The following CD300LG variants were observed in gnomAD, a reference collection of about 807,000 sequenced individuals.
CD300LG encodes CD300 molecule like family member g, also known as CMRF35-like molecule 9.
CD300LG carries 29 observed loss-of-function variants against 31.5 expected under a neutral mutation model. That is an observed-to-expected ratio of 0.92 (90% CI 0.68 to 1.25). The LOEUF (loss-of-function observed/expected upper bound fraction) is 1.25, where lower values mean the gene tolerates loss of function less well. Among genes scored for constraint, CD300LG ranks in the 50% most tolerant of loss-of-function variants. CD300LG has a pLI of 0.00. For missense variants in CD300LG, 396 were observed against 417.6 expected (o/e 0.95, Z 0.45); for synonymous variants, 175 against 177.2 (o/e 0.99, Z 0.10).
intron 6 of CD300LG, chr17:43,858,038 G>A: frequency 1.4e-6 from 2 of 1,442,912 alleles, no homozygotes; most frequent in South Asian, 2.9e-5. Flanking sequence ...GCCCCTCCTG[G>A]CCCCTCCTCC....
At chr17:43,853,075 T>C in intron 3 of CD300LG, 62 bp downstream of exon 3, 1 of 1,397,610 alleles carries the variant, frequency 7.2e-7, no homozygotes, top group Non-Finnish European at 1.0e-6. Context: ...AGCCAGTGAG[T>C]GCCTGCCTGG....
Position 43,859,335 on chromosome 17 carries a change from AG to A in CD300LG, c.885+2180del, listed in dbSNP as rs539407996. Among the ~76,000 whole-genome samples, 151 of 152,360 alleles carry A rather than the reference AG, an allele frequency of 9.9e-4. 2 individuals are homozygous for A. In the South Asian group the frequency reaches 0.024, roughly 25 times the overall value. Reference sequence around the variant, plus strand: ...CTCTTTCTTTATTAGGTTTATTACTAGTACCTAGAAGCAGAGCTCTGATATA... The same window carrying A: ...CTCTTTCTTTATTAGGTTTATTACTATACCTAGAAGCAGAGCTCTGATATA... On this transcript the variant is annotated intron_variant, in intron 6 of 6. Coordinates refer to ENST00000317310, the MANE Select transcript of CD300LG (RefSeq NM_145273.4).
intron 6 of CD300LG, among the ~76,000 whole-genome samples, chr17:43,860,219 TCAGA>T (rs2046624247): frequency 6.6e-6 from 1 of 151,972 alleles, no homozygotes; most frequent in African/African-American, 2.4e-5. Flanking sequence ...GGGTCTGCAG[TCAGA>T]CAGTCTCCAG....
chr17:43,849,236 G>A, intron 2 of CD300LG: 1 of 446,750 alleles, frequency 2.2e-6, no homozygotes, highest in Non-Finnish European at 3.9e-6. Context: ...GGATAAAGAA[G>A]ACTCCTCGCC....
chr17:43,852,809 C>T, intron 2 of CD300LG, 103 bp from the exon 3 acceptor site: 1 of 842,902 alleles, frequency 1.2e-6, no homozygotes, highest in South Asian at 2.0e-5. Flanking sequence ...TGGCAGTGCT[C>T]TGTGCTGAGG....
rs766619568 is a variant in CD300LG at position 43,861,780 on chromosome 17, C to T, written c.886-18C>T. The T allele has an allele frequency of 8.4e-6, 13 of 1,553,232 alleles. No homozygotes were observed. Among genetic ancestry groups the T allele is most frequent in the Non-Finnish European group, 8.7e-6 (10 of 1,146,746 alleles). The stretch of plus-strand genomic sequence containing the variant: ...TCATCTGGGTTCTGCTCTCCAAACC[C>T]CACTGTTGTCTTTACAGACTGCGGA... On this transcript the variant is annotated intron_variant, in intron 6 of 6. Coordinates refer to ENST00000317310, the MANE Select transcript of CD300LG (RefSeq NM_145273.4).
chr17:43,847,917 C>T (rs1003071514), intron 1 of CD300LG, among the ~76,000 whole-genome samples: 7 of 152,166 alleles, frequency 4.6e-5, no homozygotes, highest in Admixed American at 1.3e-4. Context: ...CCATTGCCCT[C>T]CAGCCTGGGC....
In CD300LG at chr17:43,853,914, C is replaced by G. The variant is rs1384360699; in HGVS notation, c.589C>G (p.Gln197Glu). ...CCAGTACGGGCACGAAAGGACTTCT[C>G]AGTACACAGGAACCTCTCCTCACCC... Reference protein sequence around the residue: ...TSQYGHERTSQYTGTSPHPAT... With the variant: ...TSQYGHERTSEYTGTSPHPAT... The change falls in exon 4 of 7, where the codon CAG (glutamine) becomes GAG (glutamate). Residue 197 changes from glutamine (Q) to glutamate (E), a missense_variant. Gln to Glu is a conservative substitution (Grantham distance 29). Transcript: ENST00000317310. The G allele has an allele frequency of 2.5e-6, 4 of 1,614,142 alleles. No homozygotes were observed. Among genetic ancestry groups the G allele is most frequent in the Non-Finnish European group, 3.4e-6 (4 of 1,180,018 alleles).
At chr17:43,861,322 T>C in intron 6 of CD300LG, 1 of 978,902 alleles carries the variant, frequency 1.0e-6, no homozygotes, top group Non-Finnish European at 1.2e-6. Context: ...CTCTGACAAT[T>C]AGAGGAAGTG....
rs1330073621 is a variant in CD300LG at position 43,853,148 on chromosome 17, A to G, written c.481+135A>G. On this transcript the variant is annotated intron_variant, in intron 3 of 6. Coordinates refer to ENST00000317310, the MANE Select transcript of CD300LG (RefSeq NM_145273.4). ...CACAAGCCTGGGAGCTGGGTTGTCC[A>G]GCTGTGGAAGTGGAGGCTCAGCAGG... is the stretch of plus-strand genomic sequence containing the variant. 1.3e-5 allele frequency: 9 copies of G among 677,156 alleles called. No individual in the cohort carries two copies. The Admixed American group carries it at 2.2e-4, about 16-fold the overall frequency. The allele number at this position is 677,156 out of a possible 1,614,324, so 41.9% of individuals were successfully genotyped here.
At position 43,848,644 on chromosome 17, in the gene CD300LG, A is replaced by C; in HGVS notation, c.130A>C (p.Arg44=). The change falls in exon 2 of 7, where the codon AGG becomes CGG. Residue 44 remains arginine, a synonymous_variant. Transcript: ENST00000317310. ...GCAGTGCACCTACAGGGAAGAGCTG[A>C]GGGACCACCGGAAGTACTGGTGCAG... The part of the protein sequence containing the change: ...SLQCTYREEL[R]DHRKYWCRKG... 1 of 1,614,010 alleles carries C rather than the reference A, an allele frequency of 6.2e-7. No homozygotes were observed. Among genetic ancestry groups the C allele is most frequent in the Non-Finnish European group, 8.5e-7 (1 of 1,179,988 alleles).
intron 2 of CD300LG, among the ~76,000 whole-genome samples, chr17:43,852,194 G>A (rs1331423645): frequency 6.6e-6 from 1 of 151,354 alleles, no homozygotes; most frequent in Non-Finnish European, 1.5e-5. Flanking sequence ...CAAAGCCTGA[G>A]TTTTGTTCTT....
chr17:43,858,529 A>T, intron 6 of CD300LG: 1 of 985,254 alleles, frequency 1.0e-6, no homozygotes, highest in Non-Finnish European at 1.2e-6. Context: ...CTGAAGAGGG[A>T]GGGGACAGGA....
chr17:43,857,186 C>A, intron 6 of CD300LG, 30 bp downstream of exon 6: 1 of 1,611,374 alleles, frequency 6.2e-7, no homozygotes, highest in Non-Finnish European at 8.5e-7. Context: ...GAAGCCCAAG[C>A]TCAGATCCCC....
chr17:43,855,347 G>A (rs368491187), intron 5 of CD300LG, 28 bp downstream of exon 5: 49 of 1,430,040 alleles, frequency 3.4e-5, no homozygotes, highest in African/African-American at 7.1e-5. Context: ...GCAGGAAGGC[G>A]GGAGGCTCAC....
intron 2 of CD300LG, chr17:43,849,876 T>C (rs1025533872): frequency 6.6e-6 from 1 of 152,194 alleles, no homozygotes; most frequent in Admixed American, 6.5e-5. Context: ...GGATCTTTAA[T>C]TTGAGGAAAT....
At chr17:43,848,112 C>T (rs1391544539) in intron 1 of CD300LG, among the ~76,000 whole-genome samples, 2 of 152,034 alleles carry the variant, frequency 1.3e-5, no homozygotes, top group South Asian at 2.1e-4. Flanking sequence ...CATGGCAGCA[C>T]GTGGCTGTAG....
At chr17:43,853,740 C>A (rs1484653898) in intron 3 of CD300LG, 67 bp from the exon 4 acceptor site, 11 of 1,341,768 alleles carry the variant, frequency 8.2e-6, no homozygotes, top group Admixed American at 7.3e-5. Context: ...GGTCCAGGGT[C>A]AGAAGTCAGG....
intron 6 of CD300LG, chr17:43,857,609 C>G: frequency 8.7e-7 from 1 of 1,155,016 alleles, no homozygotes; most frequent in Non-Finnish European, 1.3e-6. Flanking sequence ...CCAGACCCAG[C>G]TGAACCCTCC....
Sources: gnomAD v4.1 joint callset for allele counts (sites outside exome capture counted in the v4.1 genomes callset) on GRCh38, gnomAD v4.1.1 for gene constraint, MANE v1.5 for transcripts, NCBI Gene and HGNC (gene_info 2026-07-23, HGNC 2026-07-21) for gene names.